The following FZR1 variants were observed in gnomAD, a reference collection of about 807,000 sequenced individuals.
FZR1 encodes the protein fizzy and cell division cycle 20 related 1.
In FZR1, 11 loss-of-function variants were observed where a neutral mutation model predicts 63.6. The ratio of observed to expected loss-of-function variants is 0.17; its 90% CI spans 0.11 to 0.29. The LOEUF (loss-of-function observed/expected upper bound fraction) is 0.29. FZR1 is among the 10% of genes least tolerant of loss of function. The probability of loss-of-function intolerance (pLI) is 1.00; values close to 1 mark genes in which losing one functional copy is unlikely to be tolerated. For missense variants in FZR1, 440 were observed against 687.5 expected, an observed-to-expected ratio of 0.64 and a Z score of 4.03; for synonymous variants, 328 against 297.9, an observed-to-expected ratio of 1.10 and a Z score of -1.04.
At chr19:3,509,197 G>A (rs192032431) in intron 1 of FZR1, among the ~76,000 whole-genome samples, 3 of 152,356 alleles carry the variant, frequency 2.0e-5, no homozygotes, top group East Asian at 1.9e-4. Context: ...GTCCAGGGAC[G>A]TTCATGTCCC....
Position 3,518,272 on chromosome 19 carries a change from C to G in FZR1, c.-34-4684C>G, listed in dbSNP as rs550172853. ...CAGGTGATCTGTCCACCTCAGCCCC[C>G]CACAGTGCCTCTGTTTGTATTTTTT... On this transcript the variant is annotated intron_variant, in intron 1 of 13. Coordinates refer to ENST00000441788, the MANE Select transcript of FZR1 (RefSeq NM_016263.4). 4.6e-4 allele frequency among the ~76,000 whole-genome samples: 70 copies of G among 152,300 alleles called. 1 individual carries two copies. In the South Asian group the frequency reaches 0.013, roughly 28 times the overall value.
At chr19:3,519,404 G>A (rs1207773851) in intron 1 of FZR1, among the ~76,000 whole-genome samples, 4 of 152,214 alleles carry the variant, frequency 2.6e-5, no homozygotes, top group African/African-American at 7.2e-5. Flanking sequence ...GCATGGAGCC[G>A]ACGGTGGTGG....
intron 1 of FZR1, among the ~76,000 whole-genome samples, chr19:3,507,460 T>A (rs1275775314): frequency 6.6e-6 from 1 of 151,612 alleles, no homozygotes; most frequent in Non-Finnish European, 1.5e-5. Flanking sequence ...CCTAAATCTG[T>A]TTTGTCTTTT....
Position 3,535,997 on chromosome 19 carries a change from AC to A in FZR1, c.*1168del. The A allele has an allele frequency of 7.1e-6, 1 of 140,412 alleles. No homozygotes were observed. The highest frequency in any genetic ancestry group is 1.5e-5 in the Non-Finnish European group (1 of 64,532). The allele number at this position is 140,412 out of a possible 1,614,324, so 8.7% of individuals were successfully genotyped here. On this transcript the variant is annotated 3_prime_UTR_variant, in exon 14 of 14. Coordinates refer to ENST00000441788, the MANE Select transcript of FZR1 (RefSeq NM_016263.4). ...GGCCTGAGCTGAGCACTGCCCCCTCACCCCCCCACCACCCCTTCCCATTTCA... is the reference window on the plus strand; with the variant it reads ...GGCCTGAGCTGAGCACTGCCCCCTCACCCCCCACCACCCCTTCCCATTTCA...
Position 3,533,149 on chromosome 19 carries a change from C to G in FZR1, c.1243-145C>G, listed in dbSNP as rs1479914102. The G allele has an allele frequency of 3.1e-6, 2 of 651,268 alleles. No individual in the cohort carries two copies. The highest frequency in any genetic ancestry group is 4.5e-5 in the Admixed American group (2 of 44,716). 40.3% of individuals were successfully genotyped at this position (651,268 alleles called of 1,614,324 possible). The stretch of plus-strand genomic sequence containing the variant: ...TCCTAGACAGACTCAGGTGGCAGAG[C>G]CACATCCCAGCATCCCCTGCTCCTC... On this transcript the variant is annotated intron_variant, in intron 11 of 13. Coordinates refer to ENST00000441788, the MANE Select transcript of FZR1 (RefSeq NM_016263.4). This position sits in a 1 kb window ranked among gnomAD's most constrained non-coding sequence, Gnocchi z 4.9.
chr19:3,529,131 T>TGA, intron 7 of FZR1, among the ~76,000 whole-genome samples: 1 of 131,778 alleles, frequency 7.6e-6, no homozygotes, highest in South Asian at 2.6e-4. Flanking sequence ...GGAGAGCGGA[T>TGA]GGGAGAGCGG....
At chr19:3,523,655 C>T (rs2083124242) in intron 2 of FZR1, among the ~76,000 whole-genome samples, 1 of 152,244 alleles carries the variant, frequency 6.6e-6, no homozygotes, top group South Asian at 2.1e-4. Context: ...GCCTGGACGG[C>T]CACCAGTCCC....
chr19:3,514,621 C>G lies in FZR1; in HGVS notation c.-35+8147C>G, dbSNP rs2083045724. Among the ~76,000 whole-genome samples, 1 of 152,102 alleles carries G rather than the reference C, an allele frequency of 6.6e-6. No individual in the cohort carries two copies. Among genetic ancestry groups the G allele is most frequent in the African/African-American group, 2.4e-5 (1 of 41,400 alleles). ...CATGATCCTCTGCCCTGCTGAGGTC[C>G]CAGGAGGCTGCACACATTGAAATCC... is the stretch of plus-strand genomic sequence containing the variant. On this transcript the variant is annotated intron_variant, in intron 1 of 13. Coordinates refer to ENST00000441788, the MANE Select transcript of FZR1 (RefSeq NM_016263.4). This position sits in a 1 kb window ranked among gnomAD's most constrained non-coding sequence, Gnocchi z 4.2.
intron 1 of FZR1, among the ~76,000 whole-genome samples, chr19:3,511,617 C>T (rs1568228845): frequency 6.6e-6 from 1 of 152,100 alleles, no homozygotes; most frequent in Non-Finnish European, 1.5e-5. Context: ...TGCTTTGCGG[C>T]GCCTGGGTCA....
rs1035396395 is a variant in FZR1 at position 3,516,523 on chromosome 19, A to G, written c.-34-6433A>G. Among the ~76,000 whole-genome samples, 4 of 152,086 alleles carry G rather than the reference A, an allele frequency of 2.6e-5. No individual in the cohort carries two copies. Among genetic ancestry groups the G allele is most frequent in the Non-Finnish European group, 4.4e-5 (3 of 68,014 alleles). ...CAGCGCAGCTGAGCGAGGGGCTTAGAGGGGTCGCTGGGGGTCCCGGAGCTG... is the reference window on the plus strand; with the variant it reads ...CAGCGCAGCTGAGCGAGGGGCTTAGGGGGGTCGCTGGGGGTCCCGGAGCTG... On this transcript the variant is annotated intron_variant, in intron 1 of 13. Transcript: ENST00000441788. This position sits in a 1 kb window ranked among gnomAD's most constrained non-coding sequence, Gnocchi z 6.0.
chr19:3,509,556 G>C (rs535959633), intron 1 of FZR1, among the ~76,000 whole-genome samples: 2 of 152,102 alleles, frequency 1.3e-5, no homozygotes, highest in Non-Finnish European at 2.9e-5. Context: ...TCACAGGCTC[G>C]GGCCGCCATC....
At chr19:3,508,356 C>T (rs1432011662) in intron 1 of FZR1, among the ~76,000 whole-genome samples, 2 of 151,908 alleles carry the variant, frequency 1.3e-5, no homozygotes, top group African/African-American at 2.4e-5. Flanking sequence ...GCACCACGCC[C>T]GGCTATTTTT....
At chr19:3,534,247 A>AT in intron 12 of FZR1, 174 bp from the exon 13 acceptor site, 1 of 429,458 alleles carries the variant, frequency 2.3e-6, no homozygotes. Context: ...AAAAAAAAAA[A>AT]GGCTCCAACC....
In FZR1 at chr19:3,516,078, T is replaced by C. The variant is rs1300421246; in HGVS notation, c.-34-6878T>C. 6.6e-6 allele frequency among the ~76,000 whole-genome samples: 1 copy of C among 152,208 alleles called. No homozygotes were observed. Among genetic ancestry groups the C allele is most frequent in the Non-Finnish European group, 1.5e-5 (1 of 68,042 alleles). On this transcript the variant is annotated intron_variant, in intron 1 of 13. Transcript: ENST00000441788. This position sits in a 1 kb window ranked among gnomAD's most constrained non-coding sequence, Gnocchi z 6.0. ...AATTCTTAGAAGTAGAAATACCGCA[T>C]CACAGAGGATGTGCATTTTTTAAAT... is the stretch of plus-strand genomic sequence containing the variant.
chr19:3,521,406 GC>G (rs1388231250), intron 1 of FZR1: 1 of 152,216 alleles, frequency 6.6e-6, no homozygotes, highest in Non-Finnish European at 1.5e-5. Flanking sequence ...GTGTTCCATG[GC>G]GACAGAGTTT....
rs1374842172 is a variant in FZR1 at position 3,536,648 on chromosome 19, T to C, written c.*1812T>C. 4 of 152,394 alleles carry C rather than the reference T, an allele frequency of 2.6e-5. No individual in the cohort carries two copies. The highest frequency in any genetic ancestry group is 9.7e-5 in the African/African-American group (4 of 41,436). The allele number at this position is 152,394 out of a possible 1,614,324, so 9.4% of individuals were successfully genotyped here. A position where few individuals can be genotyped will look rare whatever the true frequency, so the allele number is the denominator to read the frequency against. ...CAGGCGGACGGCGTGAGGTTTGTGT[T>C]GGGGCTGGTTCTGCCCATGCTAGGG... On this transcript the variant is annotated 3_prime_UTR_variant, in exon 14 of 14. Coordinates refer to ENST00000441788, the MANE Select transcript of FZR1 (RefSeq NM_016263.4).
At chr19:3,534,289 C>T (rs1462068078) in intron 12 of FZR1, 132 bp from the exon 13 acceptor site, 1 of 561,206 alleles carries the variant, frequency 1.8e-6, no homozygotes, top group Non-Finnish European at 3.2e-6. Context: ...CCCAGCCTGC[C>T]CCTCCCTCCT....
rs761677327 is a variant in FZR1, at chr19:3,527,694, G to A, written c.534G>A (p.Val178=). ...AGATCTCCAAGATCCCCTTCAAGGT[G>A]CTGGACGCGCCCGAGCTGCAGGACG... is the stretch of plus-strand genomic sequence containing the variant. ...TRKISKIPFK[V]LDAPELQDDF... The change falls in exon 7 of 14, where the codon GTG becomes GTA. Residue 178 remains valine, a synonymous_variant. Coordinates refer to ENST00000441788, the MANE Select transcript of FZR1 (RefSeq NM_016263.4). The A allele has an allele frequency of 5.6e-5, 91 of 1,612,270 alleles. No homozygotes were observed. Among genetic ancestry groups the A allele is most frequent in the Non-Finnish European group, 7.4e-5 (87 of 1,179,902 alleles).
chr19:3,517,460 G>A (rs1279494711), intron 1 of FZR1, among the ~76,000 whole-genome samples: 1 of 152,158 alleles, frequency 6.6e-6, no homozygotes, highest in Non-Finnish European at 1.5e-5. Context: ...GCTGAGGCGT[G>A]TGGATCACCT....
Sources: gnomAD v4.1 joint callset for allele counts (sites outside exome capture counted in the v4.1 genomes callset) on GRCh38, gnomAD v4.1.1 for gene constraint, Gnocchi (gnomAD v3.1) non-coding constraint, MANE v1.5 for transcripts, NCBI Gene and HGNC (gene_info 2026-07-23, HGNC 2026-07-21) for gene names.